ENGASE: variants seen among roughly 807,000 people sequenced by gnomAD.
The protein encoded by ENGASE is endo-beta-N-acetylglucosaminidase.
A neutral mutation model predicts 78.5 loss-of-function variants in ENGASE; 69 were observed. That is an observed-to-expected ratio of 0.88 (90% CI 0.72 to 1.07). The LOEUF (loss-of-function observed/expected upper bound fraction) is 1.07. ENGASE is among the 50% of genes least tolerant of loss of function. ENGASE has a pLI of 0.00. For missense variants in ENGASE, 943 were observed against 988.4 expected (o/e 0.95, Z 0.62); for synonymous variants, 408 against 408.9 (o/e 1.00, Z 0.03).
Position 79,087,995 on chromosome 17 carries a change from G to C in ENGASE, c.*1646G>C, listed in dbSNP as rs1422915329. ...CTTGTGTGGTCCCAGAAGGAGAAGTGAGTTTGCCAAGGATATGGGGCAGGA... is the reference window on the plus strand; with the variant it reads ...CTTGTGTGGTCCCAGAAGGAGAAGTCAGTTTGCCAAGGATATGGGGCAGGA... On this transcript the variant is annotated 3_prime_UTR_variant, in exon 14 of 14. Transcript: ENST00000579016. The C allele has an allele frequency of 6.6e-6, 1 of 152,270 alleles. No individual in the cohort carries two copies. Among genetic ancestry groups the C allele is most frequent in the Non-Finnish European group, 1.5e-5 (1 of 68,092 alleles). 9.4% of individuals were successfully genotyped at this position (152,270 alleles called of 1,614,324 possible).
In ENGASE at chr17:79,082,878, G is replaced by GCC. The variant is rs762623849; in HGVS notation, c.1039-142_1039-141insCC. The GCC allele has an allele frequency of 1.4e-5, 22 of 1,574,080 alleles. No individual in the cohort carries two copies. The East Asian group carries it at 5.1e-4, about 37-fold the overall frequency. On this transcript the variant is annotated intron_variant, in intron 7 of 13. Transcript: ENST00000579016. ...GGGGGTGATGCCCAGCAGCCTCCAG[G>GCC]TGCATCTAGGAGGGAGGGGTTGGAC... is the stretch of plus-strand genomic sequence containing the variant.
Position 79,079,530 on chromosome 17 carries a change from A to G in ENGASE, c.458A>G (p.Tyr153Cys), listed in dbSNP as rs1285331712. 1.2e-6 allele frequency: 2 copies of G among 1,613,740 alleles called. No individual in the cohort carries two copies. Among genetic ancestry groups the G allele is most frequent in the Non-Finnish European group, 1.7e-6 (2 of 1,179,950 alleles). Residue 153 changes from tyrosine to cysteine, a missense_variant, in exon 4 of 14, where the codon TAC (tyrosine) becomes TGC (cysteine). Tyr to Cys is a radical substitution (Grantham distance 194). Transcript: ENST00000579016. ...GTGGTGCAGACTCCCTATGCTTTCT[A>G]CCACTGGCAGTGCATCGACGTCTTT... ...GSVVQTPYAFYHWQCIDVFVY... is the reference protein window; with the variant it reads ...GSVVQTPYAFCHWQCIDVFVY...
rs978194712 is a variant in ENGASE, at chr17:79,087,752, G to A, written c.*1403G>A. ...CATCCACATCATTTCACCCTGCAGT[G>A]AGGGAAGAGGCCACCAGGTGGCAGC... On this transcript the variant is annotated 3_prime_UTR_variant, in exon 14 of 14. Transcript: ENST00000579016. 1.3e-5 allele frequency: 2 copies of A among 152,276 alleles called. No homozygotes were observed. The highest frequency in any genetic ancestry group is 4.8e-5 in the African/African-American group (2 of 41,420). The allele number at this position is 152,276 out of a possible 1,614,324, so 9.4% of individuals were successfully genotyped here.
chr17:79,083,081 A>C lies in ENGASE; in HGVS notation c.1100A>C (p.Tyr367Ser). The part of the protein sequence containing the change: ...SVALFAPGWV[Y>S]ECLEKKDFFQ... Reference sequence around the variant, plus strand: ...GCTTTGTTTGCCCCCGGCTGGGTGTATGAGTGTCTGGAGAAGAAGGATTTC... The same window carrying C: ...GCTTTGTTTGCCCCCGGCTGGGTGTCTGAGTGTCTGGAGAAGAAGGATTTC... Residue 367 changes from tyrosine (Y) to serine (S), a missense_variant, in exon 8 of 14, where the codon TAT becomes TCT. Coordinates refer to ENST00000579016, the MANE Select transcript of ENGASE (RefSeq NM_001042573.3). This position sits in a 1 kb window ranked among gnomAD's most constrained non-coding sequence, Gnocchi z 4.9. The C allele has an allele frequency of 6.2e-7, 1 of 1,613,930 alleles. No homozygotes were observed. Among genetic ancestry groups the C allele is most frequent in the Non-Finnish European group, 8.5e-7 (1 of 1,179,930 alleles).
chr17:79,080,263 G>C lies in ENGASE; in HGVS notation c.622G>C (p.Gly208Arg). Residue 208 changes from glycine to arginine, a missense_variant, in exon 5 of 14, where the codon GGG (glycine) becomes CGG (arginine). Physicochemically the swap from Gly to Arg is moderately radical, Grantham distance 125. Transcript: ENST00000579016. ...GGRLCEAFLA[G>R]DERSYQAVAD... ...AAGGCTCTGTGAAGCCTTCCTGGCC[G>C]GGGATGAGCGCTCGTACCAGGCAGT... is the stretch of plus-strand genomic sequence containing the variant. 1 of 1,613,554 alleles carries C rather than the reference G, an allele frequency of 6.2e-7. No individual in the cohort carries two copies.
At chr17:79,077,101 C>A (rs949869277) in intron 1 of ENGASE, among the ~76,000 whole-genome samples, 4 of 152,146 alleles carry the variant, frequency 2.6e-5, no homozygotes, top group Non-Finnish European at 4.4e-5. Context: ...TAACTCCTGA[C>A]CTCAGGTGAT....
At chr17:79,075,115 C>G (rs1405809410) in intron 1 of ENGASE, 25 bp downstream of exon 1, 3 of 1,204,724 alleles carry the variant, frequency 2.5e-6, no homozygotes, top group Non-Finnish European at 3.1e-6. Context: ...CCCGCGTGAA[C>G]CCCGATCCGC....
Position 79,084,752 on chromosome 17 carries a change from G to A in ENGASE, c.1591+66G>A, listed in dbSNP as rs1009376635. ...AGAGCTCAGGGAAGAGAAGTGTGGA[G>A]AGGCTCCTGGGGTGTGGGGAGGAGC... On this transcript the variant is annotated intron_variant, in intron 11 of 13. Coordinates refer to ENST00000579016, the MANE Select transcript of ENGASE (RefSeq NM_001042573.3). 5.7e-6 allele frequency: 9 copies of A among 1,567,050 alleles called. No individual in the cohort carries two copies. The African/African-American group carries it at 6.9e-5, about 12-fold the overall frequency.
intron 1 of ENGASE, among the ~76,000 whole-genome samples, chr17:79,077,068 G>A (rs1036986534): frequency 6.6e-6 from 1 of 152,088 alleles, no homozygotes; most frequent in Admixed American, 6.5e-5. Context: ...ATGGGGTTTT[G>A]CCATGTTGGC....
Position 79,087,265 on chromosome 17 carries a change from G to C in ENGASE, c.*916G>C. ...GTGCAGGAGCTGCAGGACCCGCGGG[G>C]GCTTTTCCAGCTACTCTGTTCCTTC... is the stretch of plus-strand genomic sequence containing the variant. On this transcript the variant is annotated 3_prime_UTR_variant, in exon 14 of 14. Coordinates refer to ENST00000579016, the MANE Select transcript of ENGASE (RefSeq NM_001042573.3). 1 of 346,264 alleles carries C rather than the reference G, an allele frequency of 2.9e-6. No individual in the cohort carries two copies. Among genetic ancestry groups the C allele is most frequent in the South Asian group, 2.2e-5 (1 of 46,438 alleles). The allele number at this position is 346,264 out of a possible 1,614,324, so 21.4% of individuals were successfully genotyped here.
chr17:79,075,822 G>A (rs887024666), intron 1 of ENGASE: 8 of 985,340 alleles, frequency 8.1e-6, no homozygotes, highest in African/African-American at 3.5e-5. Context: ...TGCTGGGAAA[G>A]ATATTTTTGG....
At chr17:79,079,415 G>T in intron 3 of ENGASE, 74 bp from the exon 4 acceptor site, 1 of 1,537,856 alleles carries the variant, frequency 6.5e-7, no homozygotes, top group South Asian at 1.2e-5. Flanking sequence ...TGATCCACCT[G>T]CCTTGGCCTG....
chr17:79,076,755 G>A (rs942315646), intron 1 of ENGASE, among the ~76,000 whole-genome samples: 1 of 152,178 alleles, frequency 6.6e-6, no homozygotes, highest in African/African-American at 2.4e-5. Flanking sequence ...GAAACTTTCT[G>A]GTGCTTTGGG....
rs748800570 is a variant in ENGASE, at chr17:79,086,376, T to C, written c.*27T>C. The C allele has an allele frequency of 1.3e-5, 21 of 1,590,232 alleles. No homozygotes were observed. Among genetic ancestry groups the C allele is most frequent in the Non-Finnish European group, 1.8e-5 (21 of 1,167,188 alleles). ...CGGATGCTAAGGCCGGGTGGTCTCCTGGCCTCGGGCTGAGGCCTCTTCCCG... is the reference window on the plus strand; with the variant it reads ...CGGATGCTAAGGCCGGGTGGTCTCCCGGCCTCGGGCTGAGGCCTCTTCCCG... On this transcript the variant is annotated 3_prime_UTR_variant, in exon 14 of 14. Transcript: ENST00000579016.
chr17:79,086,946 G>A lies in ENGASE; in HGVS notation c.*597G>A, dbSNP rs371801851. ...TTCTGGGCCAGCCGGCGCTGGCTTC[G>A]TGCCTCCACGTGGGCCAGCCCCAGC... On this transcript the variant is annotated 3_prime_UTR_variant, in exon 14 of 14. Coordinates refer to ENST00000579016, the MANE Select transcript of ENGASE (RefSeq NM_001042573.3). 1.0e-5 allele frequency: 5 copies of A among 485,066 alleles called. No individual in the cohort carries two copies. The highest frequency in any genetic ancestry group is 6.1e-5 in the East Asian group (1 of 16,320). The allele number at this position is 485,066 out of a possible 1,614,324, so 30.0% of individuals were successfully genotyped here. A position where few individuals can be genotyped will look rare whatever the true frequency, so the allele number is the denominator to read the frequency against.
Position 79,086,620 on chromosome 17 carries a change from T to A in ENGASE, c.*271T>A. The stretch of plus-strand genomic sequence containing the variant: ...CCTTGTCCCTCCCCACGGTACCTGG[T>A]TCCCAGGTGAAAATGAAAGGAGGGG... On this transcript the variant is annotated 3_prime_UTR_variant, in exon 14 of 14. Coordinates refer to ENST00000579016, the MANE Select transcript of ENGASE (RefSeq NM_001042573.3). 1.8e-6 allele frequency: 1 copy of A among 544,136 alleles called. No individual in the cohort carries two copies. Among genetic ancestry groups the A allele is most frequent in the Admixed American group, 3.2e-5 (1 of 31,412 alleles). 33.7% of individuals were successfully genotyped at this position (544,136 alleles called of 1,614,324 possible). A position where few individuals can be genotyped will look rare whatever the true frequency, so the allele number is the denominator to read the frequency against.
At chr17:79,077,936 G>C in intron 3 of ENGASE, 72 bp downstream of exon 3, 135 of 721,440 alleles carry the variant, frequency 1.9e-4, no homozygotes, top group East Asian at 3.3e-4. Context: ...GGAGGGGCGG[G>C]AGAGAGTGCC....
Position 79,086,977 on chromosome 17 carries a change from CGT to C in ENGASE, c.*631_*632del, listed in dbSNP as rs1477357561. The stretch of plus-strand genomic sequence containing the variant: ...CCACGTGGGCCAGCCCCAGCTGCTC[CGT>C]GTTTCCTGGCGTTGGCAATTTACTG... On this transcript the variant is annotated 3_prime_UTR_variant, in exon 14 of 14. Coordinates refer to ENST00000579016, the MANE Select transcript of ENGASE (RefSeq NM_001042573.3). 4 of 503,620 alleles carry C rather than the reference CGT, an allele frequency of 7.9e-6. No individual in the cohort carries two copies. The highest frequency in any genetic ancestry group is 4.4e-5 in the South Asian group (3 of 68,438). The allele number at this position is 503,620 out of a possible 1,614,324, so 31.2% of individuals were successfully genotyped here. A position where few individuals can be genotyped will look rare whatever the true frequency, so the allele number is the denominator to read the frequency against.
At chr17:79,078,664 G>A (rs1457897412) in intron 3 of ENGASE, among the ~76,000 whole-genome samples, 7 of 152,208 alleles carry the variant, frequency 4.6e-5, no homozygotes, top group African/African-American at 9.7e-5. Flanking sequence ...TCCGCGCGGC[G>A]CTTTTAAATG....
Sources: gnomAD v4.1 joint callset for allele counts (sites outside exome capture counted in the v4.1 genomes callset) on GRCh38, gnomAD v4.1.1 for gene constraint, Gnocchi (gnomAD v3.1) non-coding constraint, MANE v1.5 for transcripts, NCBI Gene and HGNC (gene_info 2026-07-23, HGNC 2026-07-21) for gene names.